Variants in MAP3K20 observed in about 807,000 individuals in gnomAD.
The protein encoded by MAP3K20 is mitogen-activated protein kinase kinase kinase 20, also known as HCCS-4.
Under a neutral mutation model 85.7 loss-of-function variants are expected in MAP3K20, and 40 were observed. That is an observed-to-expected ratio of 0.47 (90% CI 0.36 to 0.61). The LOEUF (loss-of-function observed/expected upper bound fraction) is 0.61. Ranked by LOEUF, MAP3K20 falls within the 20% of genes least tolerant of loss-of-function variation. The pLI, the probability that MAP3K20 is intolerant of heterozygous loss-of-function variation, is 0.00. For missense variants in MAP3K20, 817 were observed against 961.7 expected (o/e 0.85, Z 1.99); for synonymous variants, 325 against 327.7 (o/e 0.99, Z 0.09).
chr2:173,266,836 G>T lies in MAP3K20; in HGVS notation c.*86G>T. The stretch of plus-strand genomic sequence containing the variant: ...GGTTTTTGATAATATGATCCCTTCA[G>T]ATTGAATTAACGAAAAGACAACACT... On this transcript the variant is annotated 3_prime_UTR_variant, in exon 20 of 20. Coordinates refer to ENST00000375213, the MANE Select transcript of MAP3K20 (RefSeq NM_016653.3). 8.2e-7 allele frequency: 1 copy of T among 1,226,448 alleles called. No individual in the cohort carries two copies. Among genetic ancestry groups the T allele is most frequent in the Non-Finnish European group, 1.1e-6 (1 of 929,448 alleles). The allele number at this position is 1,226,448 out of a possible 1,614,324, so 76.0% of individuals were successfully genotyped here.
intron 16 of MAP3K20, among the ~76,000 whole-genome samples, chr2:173,248,321 C>T (rs73974113): frequency 0.16 from 24,878 of 151,996 alleles, 3,329 homozygotes; most frequent in African/African-American, 0.36. Flanking sequence ...CCGTCCCTAC[C>T]CTGTCTTATA....
intron 16 of MAP3K20, 54 bp from the exon 17 acceptor site, chr2:173,258,644 TA>T (rs558101273): frequency 9.8e-3 from 8,517 of 870,552 alleles, no homozygotes; most frequent in South Asian, 0.015. Context: ...ATATTGAGAC[TA>T]AAAAAAAAAT....
intron 2 of MAP3K20, among the ~76,000 whole-genome samples, chr2:173,109,477 GT>G (rs1215953827): frequency 1.6e-3 from 237 of 146,530 alleles, no homozygotes; most frequent in Non-Finnish European, 2.3e-3. Flanking sequence ...TATTATGGTG[GT>G]TTTTTTTTTT....
At chr2:173,205,017 G>C (rs1683628330) in intron 9 of MAP3K20, among the ~76,000 whole-genome samples, 1 of 150,886 alleles carries the variant, frequency 6.6e-6, no homozygotes, top group East Asian at 2.0e-4. Flanking sequence ...GCAGGAGAAT[G>C]GCATGAACCC....
intron 2 of MAP3K20, among the ~76,000 whole-genome samples, chr2:173,150,689 C>CT (rs540068040): frequency 1.6e-3 from 245 of 152,306 alleles, no homozygotes; most frequent in Non-Finnish European, 3.0e-3. Flanking sequence ...CTTCAGCCTC[C>CT]TGGGTAGCTG....
intron 2 of MAP3K20, among the ~76,000 whole-genome samples, chr2:173,137,180 T>TA (rs1226786750): frequency 1.3e-5 from 2 of 151,984 alleles, no homozygotes; most frequent in Admixed American, 6.6e-5. Context: ...TTAAGCTCTT[T>TA]AATCTGTTTA....
Position 173,086,505 on chromosome 2 carries a change from G to A in MAP3K20, c.-34-4493G>A, listed in dbSNP as rs149600557. 1.5e-3 allele frequency among the ~76,000 whole-genome samples: 227 copies of A among 152,180 alleles called. 1 individual carries two copies. Among genetic ancestry groups the A allele is most frequent in the African/African-American group, 5.2e-3 (216 of 41,534 alleles). On this transcript the variant is annotated intron_variant, in intron 1 of 19. Coordinates refer to ENST00000375213, the MANE Select transcript of MAP3K20 (RefSeq NM_016653.3). ...CATACCCTAGATTACTAGTTTATTCGGTATTCAGATGGAACTTAATTTTTT... is the reference window on the plus strand; with the variant it reads ...CATACCCTAGATTACTAGTTTATTCAGTATTCAGATGGAACTTAATTTTTT...
chr2:173,235,778 C>T (rs1397627937), intron 14 of MAP3K20, among the ~76,000 whole-genome samples: 1 of 152,178 alleles, frequency 6.6e-6, no homozygotes, highest in African/African-American at 2.4e-5. Context: ...AAGGAAAGCA[C>T]AGGCACCTCT....
Position 173,198,114 on chromosome 2 carries a change from T to TG in MAP3K20, c.669+2_669+3insG. 6.2e-7 allele frequency: 1 copy of TG among 1,611,812 alleles called. No homozygotes were observed. The highest frequency in any genetic ancestry group is 1.1e-5 in the South Asian group (1 of 90,906). ...TGGCTTGTAGTGGAAAAAAACGAGG[T>TG]AAGACTACGTTTCTCCATTCAGGTA... On this transcript the variant is annotated splice_region_variant and intron_variant, in intron 8 of 19. Transcript: ENST00000375213. This position sits in a 1 kb window ranked among gnomAD's most constrained non-coding sequence, Gnocchi z 5.8.
intron 16 of MAP3K20, among the ~76,000 whole-genome samples, chr2:173,246,680 A>G (rs949962961): frequency 6.6e-6 from 1 of 152,182 alleles, no homozygotes; most frequent in Non-Finnish European, 1.5e-5. Context: ...CAAATGCTCA[A>G]CCGCCACAGA....
chr2:173,211,717 A>G (rs1006949409), intron 10 of MAP3K20: 1 of 152,384 alleles, frequency 6.6e-6, no homozygotes, highest in African/African-American at 2.4e-5. Context: ...GATCGAGACC[A>G]TACTGGCTAA....
Position 173,198,214 on chromosome 2 carries a change from T to A in MAP3K20, c.669+102T>A. ...CTTCAAATTGAAAGTAAGTTCACGC[T>A]TATGGAAAGATTAGCAGTAGGAGCT... On this transcript the variant is annotated intron_variant, in intron 8 of 19. Transcript: ENST00000375213. This position sits in a 1 kb window ranked among gnomAD's most constrained non-coding sequence, Gnocchi z 5.8. The A allele has an allele frequency of 9.2e-7, 1 of 1,092,850 alleles. No individual in the cohort carries two copies. Among genetic ancestry groups the A allele is most frequent in the Non-Finnish European group, 1.3e-6 (1 of 752,442 alleles). 67.7% of individuals were successfully genotyped at this position (1,092,850 alleles called of 1,614,324 possible).
intron 11 of MAP3K20, among the ~76,000 whole-genome samples, chr2:173,218,163 G>A (rs968514303): frequency 6.6e-6 from 1 of 152,086 alleles, no homozygotes; most frequent in Non-Finnish European, 1.5e-5. Context: ...CGCTCGTTTT[G>A]TGATCTTCAA....
At chr2:173,257,773 GTATTAA>G (rs1685193977) in intron 16 of MAP3K20, among the ~76,000 whole-genome samples, 1 of 152,070 alleles carries the variant, frequency 6.6e-6, no homozygotes, top group African/African-American at 2.4e-5. Flanking sequence ...CACCAACAAT[GTATTAA>G]TATTAATATG....
At chr2:173,259,265 T>C (rs1685233315) in intron 17 of MAP3K20, among the ~76,000 whole-genome samples, 1 of 152,222 alleles carries the variant, frequency 6.6e-6, no homozygotes, top group Non-Finnish European at 1.5e-5. Flanking sequence ...AATGGCTTCC[T>C]TAAGTTCACA....
At position 173,090,587 on chromosome 2, in the gene MAP3K20, A is replaced by G. The variant is rs974347393; in HGVS notation, c.-34-411A>G. On this transcript the variant is annotated intron_variant, in intron 1 of 19. Transcript: ENST00000375213. ...TTTGTGTGAAGTGAGTGCAGCGTGG[A>G]GAGGTGGCATGCCTCAGATGCCAGG... is the stretch of plus-strand genomic sequence containing the variant. 6.1e-6 allele frequency: 6 copies of G among 984,908 alleles called. No homozygotes were observed. The African/African-American group carries it at 1.0e-4, about 17-fold the overall frequency. 61.0% of individuals were successfully genotyped at this position (984,908 alleles called of 1,614,324 possible). A position where few individuals can be genotyped will look rare whatever the true frequency, so the allele number is the denominator to read the frequency against.
intron 16 of MAP3K20, among the ~76,000 whole-genome samples, chr2:173,253,019 CTT>C (rs1685076203): frequency 6.6e-6 from 1 of 152,154 alleles, no homozygotes; most frequent in African/African-American, 2.4e-5. Flanking sequence ...TGCATCTTCT[CTT>C]TTTCATCTCT....
At chr2:173,226,361 G>A (rs1684388525) in intron 11 of MAP3K20, 4 of 985,168 alleles carry the variant, frequency 4.1e-6, no homozygotes, top group Non-Finnish European at 4.8e-6. Flanking sequence ...TAGACTTATT[G>A]CAGCCTTTTG....
chr2:173,076,229 G>A (rs754717392), intron 1 of MAP3K20, among the ~76,000 whole-genome samples: 243 of 151,936 alleles, frequency 1.6e-3, no homozygotes, highest in Non-Finnish European at 2.6e-3. Context: ...CGCCCGGGAA[G>A]TCCTCGCGGG....
Sources: gnomAD v4.1 joint callset for allele counts (sites outside exome capture counted in the v4.1 genomes callset) on GRCh38, gnomAD v4.1.1 for gene constraint, Gnocchi (gnomAD v3.1) non-coding constraint, MANE v1.5 for transcripts, NCBI Gene and HGNC (gene_info 2026-07-23, HGNC 2026-07-21) for gene names.